ASAH2: variants seen among roughly 807,000 people sequenced by gnomAD.
The protein encoded by ASAH2 is neutral ceramidase.
A neutral mutation model predicts 82.9 loss-of-function variants in ASAH2; 58 were observed. That is an observed-to-expected ratio of 0.70 (90% confidence interval 0.57 to 0.87). ASAH2 has a LOEUF of 0.87. ASAH2 is among the 40% of genes least tolerant of loss of function. The pLI is 0.00. For synonymous variants in ASAH2, 276 were observed against 289.7 expected (o/e 0.95, Z 0.48); for missense variants, 779 against 834.0 (o/e 0.93, Z 0.81).
At chr10:50,207,927 C>G (rs1341998743) in intron 12 of ASAH2, among the ~76,000 whole-genome samples, 1 of 151,836 alleles carries the variant, frequency 6.6e-6, no homozygotes, top group Admixed American at 6.6e-5. Context: ...TACTAGCAAA[C>G]TGAATACAGC....
chr10:50,238,055 A>C (rs1846203187), intron 4 of ASAH2, among the ~76,000 whole-genome samples: 1 of 152,222 alleles, frequency 6.6e-6, no homozygotes, highest in South Asian at 2.1e-4. Flanking sequence ...TCTGGAACAT[A>C]CAATAAAATT....
chr10:50,248,414 G>C, intron 2 of ASAH2, 70 bp downstream of exon 2: 2 of 1,553,680 alleles, frequency 1.3e-6, no homozygotes, highest in Non-Finnish European at 1.8e-6. Context: ...TTTTCTCTTT[G>C]GTGTCCACAG....
Position 50,206,020 on chromosome 10 carries a change from A to G in ASAH2, c.1492T>C (p.Cys498Arg). Residue 498 changes from cysteine (C) to arginine (R), a missense_variant, in exon 13 of 21, where the codon TGT becomes CGT. By Grantham distance (180) the Cys-to-Arg change is radical (BLOSUM62 -3). Around this residue, in one of 3 missense-constraint regions of ASAH2, gnomAD observed 759 missense variants for 755.2 expected, o/e 1.00. Coordinates refer to ENST00000682911, the MANE Select transcript of ASAH2 (RefSeq NM_019893.4). The part of the protein sequence containing the change: ...LGKPSEEIKE[C>R]HKPKPILLHT... ...AGAAGGATGGGCTTTGGTTTATGACATTCTTTAATTTCTTCAGATGGCTTT... is the reference window on the plus strand; with the variant it reads ...AGAAGGATGGGCTTTGGTTTATGACGTTCTTTAATTTCTTCAGATGGCTTT... The G allele has an allele frequency of 6.2e-7, 1 of 1,612,626 alleles. No homozygotes were observed. The highest frequency in any genetic ancestry group is 8.5e-7 in the Non-Finnish European group (1 of 1,178,870).
intron 4 of ASAH2, among the ~76,000 whole-genome samples, chr10:50,239,933 C>G (rs1846253599): frequency 6.6e-6 from 1 of 150,410 alleles, no homozygotes; most frequent in South Asian, 2.1e-4. Context: ...AGGTTCAAGC[C>G]ATTCTCCTGC....
At chr10:50,223,772 C>T (rs990710001) in intron 7 of ASAH2, among the ~76,000 whole-genome samples, 12 of 152,008 alleles carry the variant, frequency 7.9e-5, no homozygotes, top group African/African-American at 1.2e-4. Flanking sequence ...TGACTAGCAT[C>T]GTTACAAGAG....
chr10:50,205,302 T>A (rs1845265842), intron 13 of ASAH2, among the ~76,000 whole-genome samples: 1 of 152,048 alleles, frequency 6.6e-6, no homozygotes, highest in Admixed American at 6.6e-5. Flanking sequence ...TTTATTATAA[T>A]CGCACTTTAA....
chr10:50,223,911 G>C (rs2669680), intron 7 of ASAH2, among the ~76,000 whole-genome samples: 102,082 of 152,044 alleles, frequency 0.67, 39,952 homozygotes, highest in Non-Finnish European at 0.87. Flanking sequence ...AGCTAAAAGA[G>C]ATGCATGGAA....
intron 5 of ASAH2, among the ~76,000 whole-genome samples, 160 bp downstream of exon 5, chr10:50,235,728 A>G (rs1487118956): frequency 6.6e-6 from 1 of 152,110 alleles, no homozygotes; most frequent in African/African-American, 2.4e-5. Context: ...ATAGCTCAGA[A>G]CAAGAAGCTA....
chr10:50,232,214 C>T (rs1665600733), intron 7 of ASAH2, among the ~76,000 whole-genome samples: 1 of 152,140 alleles, frequency 6.6e-6, no homozygotes, highest in Non-Finnish European at 1.5e-5. Context: ...ATTCACATAG[C>T]ATCTTTTACT....
At chr10:50,229,884 C>T (rs1011255681) in intron 7 of ASAH2, among the ~76,000 whole-genome samples, 12 of 152,186 alleles carry the variant, frequency 7.9e-5, no homozygotes, top group Non-Finnish European at 1.3e-4. Flanking sequence ...TTTCTTAGCA[C>T]TGAGCCCAAT....
intron 4 of ASAH2, among the ~76,000 whole-genome samples, chr10:50,238,296 T>C (rs1846208258): frequency 8.3e-6 from 1 of 119,944 alleles, no homozygotes. Context: ...CAACCTCTTC[T>C]ATTGCAGGTG....
intron 7 of ASAH2, among the ~76,000 whole-genome samples, chr10:50,222,064 G>C (rs1189774117): frequency 6.6e-6 from 1 of 152,172 alleles, no homozygotes; most frequent in African/African-American, 2.4e-5. Flanking sequence ...AGGGCGGCCA[G>C]AGCAGAATGG....
chr10:50,243,108 T>G, intron 4 of ASAH2, 94 bp downstream of exon 4: 507 of 1,429,422 alleles, frequency 3.5e-4, no homozygotes, highest in Non-Finnish European at 4.4e-4. Flanking sequence ...TTTCACTGAA[T>G]GAGAAACCAA....
chr10:50,214,671 A>C (rs1348726951), intron 9 of ASAH2, 72 bp downstream of exon 9: 1 of 1,574,278 alleles, frequency 6.4e-7, no homozygotes, highest in Non-Finnish European at 8.7e-7. Context: ...TTTGTAAATT[A>C]ATGATAAATA....
intron 7 of ASAH2, among the ~76,000 whole-genome samples, chr10:50,221,731 GA>G: frequency 7.3e-6 from 1 of 136,892 alleles, no homozygotes; most frequent in Non-Finnish European, 1.6e-5. Context: ...TAGATAGATA[GA>G]TACAGATAGA....
chr10:50,246,747 A>G (rs1184977138), intron 2 of ASAH2, among the ~76,000 whole-genome samples: 1 of 152,210 alleles, frequency 6.6e-6, no homozygotes, highest in East Asian at 1.9e-4. Context: ...GTTAGCATCC[A>G]TGTCTTCTCA....
chr10:50,241,039 C>T (rs1027236896), intron 4 of ASAH2, among the ~76,000 whole-genome samples: 1 of 152,208 alleles, frequency 6.6e-6, no homozygotes, highest in African/African-American at 2.4e-5. Flanking sequence ...TTGGGTCACT[C>T]ACTCTGAGGG....
At chr10:50,242,106 T>A (rs1055114961) in intron 4 of ASAH2, among the ~76,000 whole-genome samples, 3 of 152,346 alleles carry the variant, frequency 2.0e-5, no homozygotes, top group Non-Finnish European at 2.9e-5. Context: ...CTCTACCATT[T>A]GCTAACTGTG....
At chr10:50,235,384 A>C (rs1024825139) in intron 5 of ASAH2, among the ~76,000 whole-genome samples, 24 of 152,112 alleles carry the variant, frequency 1.6e-4, no homozygotes, top group Admixed American at 1.0e-3. Flanking sequence ...AGCTACTGAA[A>C]CCAGAAACAG....
Sources: allele counts gnomAD v4.1 joint callset (sites outside exome capture counted in the v4.1 genomes callset), GRCh38; gene constraint gnomAD v4.1.1; regional missense constraint gnomAD v4.1.1; transcripts MANE v1.5; gene names NCBI Gene and HGNC (gene_info 2026-07-23, HGNC 2026-07-21).